The following IFT74 variants were observed in gnomAD, a reference collection of about 807,000 sequenced individuals.
IFT74 encodes the protein intraflagellar transport 74.
IFT74 carries 92 observed loss-of-function variants against 96.7 expected under a neutral mutation model. The observed-to-expected ratio is 0.95, with a 90% confidence interval of 0.80 to 1.13. The LOEUF (loss-of-function observed/expected upper bound fraction) is 1.13, where lower values mean the gene tolerates loss of function less well. Ranked by LOEUF, IFT74 falls within the 50% of genes most tolerant of loss-of-function variation. The pLI, the probability that IFT74 is intolerant of heterozygous loss-of-function variation, is 0.00. For missense variants in IFT74, 811 were observed against 698.2 expected, an observed-to-expected ratio of 1.16 and a Z score of -1.82; for synonymous variants, 223 against 213.2, an observed-to-expected ratio of 1.05 and a Z score of -0.40.
intron 14 of IFT74, among the ~76,000 whole-genome samples, chr9:27,046,111 C>T (rs1056303154): frequency 6.6e-6 from 1 of 151,982 alleles, no homozygotes; most frequent in African/African-American, 2.4e-5. Context: ...AAAAAATAAC[C>T]CCTGAAAGAC....
chr9:27,019,331 C>T (rs1829491137), intron 12 of IFT74, among the ~76,000 whole-genome samples: 1 of 152,074 alleles, frequency 6.6e-6, no homozygotes. Flanking sequence ...CCTTATCCCT[C>T]TCCCAGCTCT....
intron 13 of IFT74, among the ~76,000 whole-genome samples, chr9:27,041,757 A>T (rs1450403231): frequency 2.0e-5 from 3 of 152,158 alleles, no homozygotes; most frequent in Admixed American, 1.3e-4. Flanking sequence ...GACTGCCTAC[A>T]TTTACACTGC....
intron 12 of IFT74, among the ~76,000 whole-genome samples, chr9:27,026,841 T>C (rs925014790): frequency 6.6e-6 from 1 of 152,104 alleles, no homozygotes; most frequent in African/African-American, 2.4e-5. Context: ...AGAGGAACAT[T>C]CAGAGCATTA....
chr9:27,022,729 G>A lies in IFT74; in HGVS notation c.974+4042G>A, dbSNP rs547820884. Among the ~76,000 whole-genome samples the A allele has an allele frequency of 4.7e-5, 7 of 150,250 alleles. 1 individual carries two copies. Among genetic ancestry groups the A allele is most frequent in the South Asian group, 4.2e-4 (2 of 4,740 alleles). ...GCAATCTTGGCTCACTGCAACCTCC[G>A]CCTCCCGGGTTCAAGCAATTCTTCT... On this transcript the variant is annotated intron_variant, in intron 12 of 19. Transcript: ENST00000380062.
chr9:27,040,777 T>C (rs1422738484), intron 13 of IFT74, among the ~76,000 whole-genome samples: 1 of 152,106 alleles, frequency 6.6e-6, no homozygotes, highest in African/African-American at 2.4e-5. Context: ...TTGTTGTGTA[T>C]TGATCAGGAG....
chr9:27,057,790 G>A (rs933954708), intron 18 of IFT74, among the ~76,000 whole-genome samples: 4 of 151,972 alleles, frequency 2.6e-5, no homozygotes, highest in Admixed American at 6.6e-5. Context: ...CCTGAGAGGC[G>A]GAGCTTGCAG....
chr9:26,968,098 T>C (rs898156126), intron 2 of IFT74, among the ~76,000 whole-genome samples: 1 of 150,550 alleles, frequency 6.6e-6, no homozygotes. Context: ...AGGATAATAC[T>C]GGTCTTGTAG....
rs1820597415 is a variant in IFT74 at position 27,066,129 on chromosome 9, A to G, written c.*3393A>G. 6.6e-6 allele frequency among the ~76,000 whole-genome samples: 1 copy of G among 152,092 alleles called. No individual in the cohort carries two copies. Among genetic ancestry groups the G allele is most frequent in the African/African-American group, 2.4e-5 (1 of 41,418 alleles). ...TTAAATTAAAATTATATTGTTTTTA[A>G]TTTTACATTTGCTATTTGTAATTTA... is the stretch of plus-strand genomic sequence containing the variant. On this transcript the variant is annotated 3_prime_UTR_variant, in exon 20 of 20. Coordinates refer to ENST00000380062, the MANE Select transcript of IFT74 (RefSeq NM_025103.4).
intron 2 of IFT74, among the ~76,000 whole-genome samples, chr9:26,963,256 A>T (rs1298576895): frequency 1.3e-5 from 2 of 151,732 alleles, no homozygotes; most frequent in Non-Finnish European, 2.9e-5. Flanking sequence ...ATGATTTCCA[A>T]TTTCATCCAT....
chr9:27,017,109 GT>G (rs1011832835), intron 11 of IFT74, 59 bp downstream of exon 11: 86 of 1,446,326 alleles, frequency 5.9e-5, no homozygotes, highest in Non-Finnish European at 7.3e-5. Context: ...GTATTGATTT[GT>G]TTTTTTTAAA....
At chr9:26,979,359 A>G (rs1010150418) in intron 3 of IFT74, among the ~76,000 whole-genome samples, 59 of 152,318 alleles carry the variant, frequency 3.9e-4, no homozygotes, top group African/African-American at 1.3e-3. Flanking sequence ...ATTTTAAAAC[A>G]TCGAGGGTAA....
At chr9:26,980,525 G>A (rs372203885) in intron 3 of IFT74, 46 bp from the exon 4 acceptor site, 27 of 1,164,916 alleles carry the variant, frequency 2.3e-5, no homozygotes, top group Non-Finnish European at 3.5e-5. Context: ...TGCTATTCTG[G>A]TGGCATTTCG....
At position 27,000,143 on chromosome 9, in the gene IFT74, C is replaced by A. The variant is rs373647286; in HGVS notation, c.588-8877C>A. On this transcript the variant is annotated intron_variant, in intron 8 of 19. Coordinates refer to ENST00000380062, the MANE Select transcript of IFT74 (RefSeq NM_025103.4). ...AACAAGTGCATGGCCATTCACCATC[C>A]TTGCACTCTGATCTTAATAAACTAG... is the stretch of plus-strand genomic sequence containing the variant. Among the ~76,000 whole-genome samples the A allele has an allele frequency of 3.3e-4, 50 of 152,228 alleles. 1 individual carries two copies. In the East Asian group the frequency reaches 6.6e-3, roughly 20 times the overall value.
At chr9:26,999,553 C>G in intron 8 of IFT74, 1 of 1,255,210 alleles carries the variant, frequency 8.0e-7, no homozygotes, top group Non-Finnish European at 1.1e-6. Flanking sequence ...TTATATTTTA[C>G]TAAATATACA....
chr9:26,998,680 G>T (rs1208592201), intron 8 of IFT74, among the ~76,000 whole-genome samples: 1 of 152,004 alleles, frequency 6.6e-6, no homozygotes, highest in African/African-American at 2.4e-5. Flanking sequence ...TATACCTAGG[G>T]CTGTTCAATA....
At chr9:26,997,829 AGTG>A in intron 8 of IFT74, 2 of 1,614,214 alleles carry the variant, frequency 1.2e-6, no homozygotes, top group African/African-American at 2.7e-5. Context: ...CAGATGAAAT[AGTG>A]GTGGTACATC....
intron 13 of IFT74, chr9:27,036,884 C>T (rs1819225633): frequency 1.3e-5 from 12 of 945,808 alleles, no homozygotes; most frequent in Non-Finnish European, 1.5e-5. Context: ...GCTGCCCCTA[C>T]AATGGCAAAA....
chr9:26,963,583 A>G (rs1253000249), intron 2 of IFT74, among the ~76,000 whole-genome samples: 3 of 150,846 alleles, frequency 2.0e-5, no homozygotes, highest in Non-Finnish European at 2.9e-5. Context: ...CAACAGTGTA[A>G]AAGTGTTCCT....
chr9:26,985,935 C>A (rs1473241514), intron 6 of IFT74, among the ~76,000 whole-genome samples: 1 of 152,166 alleles, frequency 6.6e-6, no homozygotes, highest in African/African-American at 2.4e-5. Flanking sequence ...TATAGTTCCA[C>A]TAAAGATGCT....
Sources: allele counts gnomAD v4.1 joint callset (sites outside exome capture counted in the v4.1 genomes callset), GRCh38; gene constraint gnomAD v4.1.1; transcripts MANE v1.5; gene names NCBI Gene and HGNC (gene_info 2026-07-23, HGNC 2026-07-21).